Variants in ERC2 observed in about 807,000 individuals in gnomAD.
ERC2 encodes the protein ERC protein 2.
Under a neutral mutation model 114.8 loss-of-function variants are expected in ERC2, and 42 were observed. The observed-to-expected ratio is 0.37, with a 90% CI of 0.29 to 0.47. The LOEUF is 0.47. Among genes scored for constraint, ERC2 ranks in the 20% least tolerant of loss-of-function variants. The pLI is 0.99. For synonymous variants in ERC2, 454 were observed against 425.5 expected, an observed-to-expected ratio of 1.07 and a Z score of -0.82; for missense variants, 939 against 1,150.7, an observed-to-expected ratio of 0.82 and a Z score of 2.66.
intron 7 of ERC2, among the ~76,000 whole-genome samples, chr3:56,068,394 T>A (rs913610147): frequency 6.6e-6 from 1 of 152,208 alleles, no homozygotes; most frequent in Admixed American, 6.5e-5. Flanking sequence ...ATCTCCTTTA[T>A]CATTTTTTAT....
rs578021109 is a variant in ERC2, at chr3:55,548,131, C to T, written c.*40-36855G>A. ...ATAAAAATCACAAGGATTTTAGATG[C>T]ACTTGTTGAATGCCAGGCTGAAGTG... On this transcript the variant is annotated intron_variant, in intron 17 of 17. Coordinates refer to ENST00000288221, the MANE Select transcript of ERC2 (RefSeq NM_015576.3). Among the ~76,000 whole-genome samples, 6 of 152,328 alleles carry T rather than the reference C, an allele frequency of 3.9e-5. No individual in the cohort carries two copies. The East Asian group carries it at 5.8e-4, about 15-fold the overall frequency.
chr3:55,604,648 C>T (rs2058563433), intron 17 of ERC2, among the ~76,000 whole-genome samples: 1 of 152,122 alleles, frequency 6.6e-6, no homozygotes, highest in African/African-American at 2.4e-5. Context: ...TTGAGCTAAG[C>T]ATTTACGTTT....
At chr3:56,193,413 C>G (rs1250524747) in intron 3 of ERC2, among the ~76,000 whole-genome samples, 2 of 151,206 alleles carry the variant, frequency 1.3e-5, no homozygotes, top group African/African-American at 4.9e-5. Context: ...GAGACTGAGG[C>G]AAGAGAATCG....
chr3:56,373,045 A>G (rs1158587949), intron 2 of ERC2, among the ~76,000 whole-genome samples: 1 of 152,252 alleles, frequency 6.6e-6, no homozygotes, highest in African/African-American at 2.4e-5. Context: ...TACTTTGACA[A>G]ATACAGAATG....
intron 16 of ERC2, among the ~76,000 whole-genome samples, chr3:55,685,313 C>G (rs2062269946): frequency 6.6e-6 from 1 of 152,172 alleles, no homozygotes; most frequent in Admixed American, 6.5e-5. Flanking sequence ...TGAATTTTCA[C>G]TTGACAGCTT....
chr3:56,133,704 T>C (rs1056904542), intron 6 of ERC2, among the ~76,000 whole-genome samples: 1 of 152,114 alleles, frequency 6.6e-6, no homozygotes, highest in African/African-American at 2.4e-5. Flanking sequence ...AAATATCACA[T>C]GGAAAACACT....
chr3:56,466,602 C>T (rs1037288558), intron 1 of ERC2, among the ~76,000 whole-genome samples: 1 of 152,100 alleles, frequency 6.6e-6, no homozygotes, highest in South Asian at 2.1e-4. Context: ...ATGGCTTGAC[C>T]CCACCACCAC....
chr3:56,252,275 A>T (rs1307359750), intron 3 of ERC2, among the ~76,000 whole-genome samples: 1 of 152,110 alleles, frequency 6.6e-6, no homozygotes, highest in Non-Finnish European at 1.5e-5. Flanking sequence ...TTAATGTTAT[A>T]GTTCATCTCT....
rs73834030 is a variant in ERC2, at chr3:55,844,793, C to T, written c.2564+43596G>A. ...GATTGCTACTACCCTTCATCTAAGACATTTACACTAAAAAATACTATGGAC... is the reference window on the plus strand; with the variant it reads ...GATTGCTACTACCCTTCATCTAAGATATTTACACTAAAAAATACTATGGAC... On this transcript the variant is annotated intron_variant, in intron 14 of 17. Coordinates refer to ENST00000288221, the MANE Select transcript of ERC2 (RefSeq NM_015576.3). Among the ~76,000 whole-genome samples, 813 of 152,284 alleles carry T rather than the reference C, an allele frequency of 5.3e-3. 5 individuals carry two copies. Among genetic ancestry groups the T allele is most frequent in the African/African-American group, 0.018 (769 of 41,568 alleles).
At chr3:55,635,111 C>T (rs1273586819) in intron 17 of ERC2, among the ~76,000 whole-genome samples, 2 of 152,008 alleles carry the variant, frequency 1.3e-5, no homozygotes, top group African/African-American at 4.8e-5. Context: ...GATCTCGTGA[C>T]CTCGTGATCT....
At chr3:55,845,558 T>C (rs866421830) in intron 14 of ERC2, among the ~76,000 whole-genome samples, 15 of 152,104 alleles carry the variant, frequency 9.9e-5, no homozygotes, top group African/African-American at 3.4e-4. Context: ...CTTCTTTTTT[T>C]AGGAAAATCT....
chr3:55,761,680 G>A (rs2067441383), intron 14 of ERC2, among the ~76,000 whole-genome samples: 1 of 152,010 alleles, frequency 6.6e-6, no homozygotes, highest in Admixed American at 6.5e-5. Flanking sequence ...CCTGGTGAGG[G>A]GTGATTGGAT....
chr3:56,328,906 C>T (rs1168072281), intron 2 of ERC2, among the ~76,000 whole-genome samples: 3 of 152,218 alleles, frequency 2.0e-5, no homozygotes, highest in Admixed American at 6.5e-5. Context: ...TGGAAAAGTA[C>T]AGGAGCATCT....
intron 2 of ERC2, among the ~76,000 whole-genome samples, chr3:56,349,285 C>CACCT (rs1289668306): frequency 6.6e-6 from 1 of 152,172 alleles, no homozygotes; most frequent in Non-Finnish European, 1.5e-5. Flanking sequence ...ATCTCACGAA[C>CACCT]ACCTAAGGCT....
chr3:56,193,591 G>T (rs916993649), intron 3 of ERC2, among the ~76,000 whole-genome samples: 3 of 151,884 alleles, frequency 2.0e-5, no homozygotes, highest in African/African-American at 4.8e-5. Flanking sequence ...TTGTAAATCT[G>T]TACTTTCTAA....
intron 8 of ERC2, among the ~76,000 whole-genome samples, chr3:56,012,807 T>C (rs2073047011): frequency 6.6e-6 from 1 of 152,208 alleles, no homozygotes. Context: ...GTCAAAAACA[T>C]GTGTTAAAAG....
At chr3:55,784,334 A>G (rs894635016) in intron 14 of ERC2, among the ~76,000 whole-genome samples, 1 of 152,194 alleles carries the variant, frequency 6.6e-6, no homozygotes, top group African/African-American at 2.4e-5. Flanking sequence ...AAATGCCAGA[A>G]GTTCATCATT....
chr3:56,339,492 A>G (rs2058001474), intron 2 of ERC2, among the ~76,000 whole-genome samples: 1 of 152,164 alleles, frequency 6.6e-6, no homozygotes, highest in Non-Finnish European at 1.5e-5. Context: ...GAGACTGGTC[A>G]TAAAGGAGCT....
chr3:55,992,145 G>A lies in ERC2; in HGVS notation c.2167C>T (p.Gln723Ter), dbSNP rs762881229. ...SYYRDECGKA[Q>*]AEVDRLLEIL... ...TCCAGCAACCGGTCCACTTCCGCTT[G>A]GGCCTTGCCACACTCGTCGCGGTAG... The change falls in exon 11 of 18, where the codon CAA (glutamine) becomes TAA (stop). Residue 723 changes from glutamine (Q) to a stop codon, truncating the protein, a stop_gained. Coordinates refer to ENST00000288221, the MANE Select transcript of ERC2 (RefSeq NM_015576.3). LOFTEE classifies it high-confidence loss of function. The A allele has an allele frequency of 6.2e-7, 1 of 1,613,750 alleles. No homozygotes were observed. The highest frequency in any genetic ancestry group is 1.1e-5 in the South Asian group (1 of 91,078).
Sources: allele counts gnomAD v4.1 joint callset (sites outside exome capture counted in the v4.1 genomes callset), GRCh38; gene constraint gnomAD v4.1.1; transcripts MANE v1.5; gene names NCBI Gene and HGNC (gene_info 2026-07-23, HGNC 2026-07-21).